Variants in MARCHF1 observed in about 807,000 individuals in gnomAD.
MARCHF1 encodes the protein E3 ubiquitin-protein ligase MARCHF1.
MARCHF1 carries 40 observed loss-of-function variants against 54.2 expected under a neutral mutation model. The ratio of observed to expected loss-of-function variants is 0.74; its 90% CI spans 0.57 to 0.96. The LOEUF is 0.96. MARCHF1 is among the 40% of genes least tolerant of loss of function. The probability of loss-of-function intolerance (pLI) is 0.00; values close to 1 mark genes in which losing one functional copy is unlikely to be tolerated. For synonymous variants in MARCHF1, 236 were observed against 236.3 expected (o/e 1.00, Z 0.01); for missense variants, 586 against 656.5 (o/e 0.89, Z 1.17).
intron 4 of MARCHF1, among the ~76,000 whole-genome samples, chr4:163,719,806 T>C (rs1745385843): frequency 6.6e-6 from 1 of 152,340 alleles, no homozygotes; most frequent in African/African-American, 2.4e-5. Context: ...TTTTCATGTG[T>C]CTTTTGGCTA....
chr4:163,616,870 ATAT>A (rs1741531487), intron 5 of MARCHF1, among the ~76,000 whole-genome samples: 1 of 152,110 alleles, frequency 6.6e-6, no homozygotes, highest in African/African-American at 2.4e-5. Flanking sequence ...AAATCTAAAA[ATAT>A]TACTACCATA....
chr4:164,230,133 T>C (rs1210583280), intron 1 of MARCHF1, among the ~76,000 whole-genome samples: 2 of 152,104 alleles, frequency 1.3e-5, no homozygotes, highest in African/African-American at 2.4e-5. Context: ...CGGTGCCTCA[T>C]GCCTGTAATC....
At chr4:164,067,343 C>G (rs913213303) in intron 2 of MARCHF1, among the ~76,000 whole-genome samples, 3 of 152,066 alleles carry the variant, frequency 2.0e-5, no homozygotes, top group African/African-American at 7.2e-5. Flanking sequence ...TACTATAAGG[C>G]TAGAGTAAAC....
At chr4:164,109,840 C>T (rs1217033843) in intron 2 of MARCHF1, among the ~76,000 whole-genome samples, 1 of 136,388 alleles carries the variant, frequency 7.3e-6, no homozygotes, top group Non-Finnish European at 1.5e-5. Context: ...ATGATCTGTA[C>T]AACAAACCCC....
At chr4:163,883,260 A>ATAT (rs1560802360) in intron 3 of MARCHF1, among the ~76,000 whole-genome samples, 1 of 3,804 alleles carries the variant, frequency 2.6e-4, no homozygotes, top group Non-Finnish European at 2.2e-3. Flanking sequence ...TATATATATG[A>ATAT]GAGAGAGAGA....
chr4:164,371,749 C>A (rs186443424), intron 1 of MARCHF1, among the ~76,000 whole-genome samples: 1 of 152,234 alleles, frequency 6.6e-6, no homozygotes, highest in African/African-American at 2.4e-5. Context: ...ATGTAAGTTG[C>A]TAAAACCAAT....
chr4:163,830,767 A>C (rs567299369), intron 4 of MARCHF1, among the ~76,000 whole-genome samples: 1 of 152,190 alleles, frequency 6.6e-6, no homozygotes, highest in Admixed American at 6.5e-5. Context: ...AAACAACAAC[A>C]ACAAAAAGAA....
chr4:163,808,322 G>A (rs1055837661), intron 4 of MARCHF1, among the ~76,000 whole-genome samples: 4 of 152,174 alleles, frequency 2.6e-5, no homozygotes, highest in Non-Finnish European at 4.4e-5. Context: ...CAACTGGCAG[G>A]CCTGCCCCAG....
At chr4:163,941,632 T>C (rs1471180593) in intron 3 of MARCHF1, among the ~76,000 whole-genome samples, 1 of 152,100 alleles carries the variant, frequency 6.6e-6, no homozygotes, top group African/African-American at 2.4e-5. Flanking sequence ...GCCTAATAGA[T>C]GGACTTCCCT....
At chr4:163,612,248 A>G in intron 7 of MARCHF1, 23 bp downstream of exon 7, 1 of 1,461,716 alleles carries the variant, frequency 6.8e-7, no homozygotes, top group Non-Finnish European at 9.0e-7. Flanking sequence ...GATGACATCA[A>G]GCCTTTCTCT....
intron 5 of MARCHF1, among the ~76,000 whole-genome samples, chr4:163,670,494 T>C (rs1044850136): frequency 6.6e-6 from 1 of 152,062 alleles, no homozygotes; most frequent in African/African-American, 2.4e-5. Context: ...CTTTCATTTT[T>C]CATATTTTCT....
At chr4:163,622,572 C>T (rs1038094790) in intron 5 of MARCHF1, among the ~76,000 whole-genome samples, 5 of 152,146 alleles carry the variant, frequency 3.3e-5, no homozygotes, top group African/African-American at 1.2e-4. Context: ...CCACACTACC[C>T]ACTGAGGGTC....
At chr4:163,648,321 G>C (rs1742833506) in intron 5 of MARCHF1, among the ~76,000 whole-genome samples, 1 of 151,870 alleles carries the variant, frequency 6.6e-6, no homozygotes, top group African/African-American at 2.4e-5. Flanking sequence ...TATTAGGCTT[G>C]ATTGTTAGAC....
intron 1 of MARCHF1, among the ~76,000 whole-genome samples, chr4:164,250,705 T>A (rs1042512445): frequency 6.6e-6 from 1 of 152,032 alleles, no homozygotes; most frequent in Non-Finnish European, 1.5e-5. Context: ...CTGTTACAAC[T>A]AAAGCAATTT....
intron 4 of MARCHF1, among the ~76,000 whole-genome samples, chr4:163,839,649 A>G (rs1444471784): frequency 6.6e-6 from 1 of 152,142 alleles, no homozygotes; most frequent in African/African-American, 2.4e-5. Flanking sequence ...TCTAGATTAG[A>G]CACATCTACA....
chr4:164,231,318 T>C (rs1168927080), intron 1 of MARCHF1, among the ~76,000 whole-genome samples: 1 of 152,194 alleles, frequency 6.6e-6, no homozygotes, highest in Non-Finnish European at 1.5e-5. Flanking sequence ...AATCAAAATA[T>C]GGCTTCTTTC....
chr4:163,636,336 C>T (rs1169071187), intron 5 of MARCHF1, among the ~76,000 whole-genome samples: 2 of 144,900 alleles, frequency 1.4e-5, no homozygotes, highest in African/African-American at 2.5e-5. Flanking sequence ...GATTGTATAT[C>T]TAGAAAACCC....
chr4:163,674,316 C>T (rs1053972455), intron 5 of MARCHF1, among the ~76,000 whole-genome samples: 14 of 152,112 alleles, frequency 9.2e-5, no homozygotes, highest in Admixed American at 2.0e-4. Flanking sequence ...TCACTGGTAC[C>T]CCATAAATTT....
At chr4:163,533,680 A>AATAC (rs1738435496) in intron 9 of MARCHF1, among the ~76,000 whole-genome samples, 1 of 144,134 alleles carries the variant, frequency 6.9e-6, no homozygotes, top group Non-Finnish European at 1.5e-5. Context: ...TTTTATATAT[A>AATAC]ATATATATAT....
Sources: gnomAD v4.1 joint callset for allele counts (sites outside exome capture counted in the v4.1 genomes callset) on GRCh38, gnomAD v4.1.1 for gene constraint, MANE v1.5 for transcripts, NCBI Gene and HGNC (gene_info 2026-07-23, HGNC 2026-07-21) for gene names.